SNORD118: variants seen among roughly 807,000 people sequenced by gnomAD.
SNORD118 encodes small nucleolar RNA, C/D box 118.
chr17:8,173,557 A>C (rs1193846277), exon 1 of SNORD118: 7 of 765,286 alleles, frequency 9.1e-6, no homozygotes, highest in Non-Finnish European at 4.8e-6. Flanking sequence ...CCTCCGGAGG[A>C]GGAACAGGTA....
At chr17:8,173,536 T>A (rs772145329) in exon 1 of SNORD118, 1 of 765,424 alleles carries the variant, frequency 1.3e-6, no homozygotes, top group Non-Finnish European at 2.4e-6. Flanking sequence ...AATCATCATG[T>A]TCTAATCTGC....
chr17:8,173,520 A>ATCTCCAATCATCATGT, exon 1 of SNORD118: 1 of 765,416 alleles, frequency 1.3e-6, no homozygotes, highest in Non-Finnish European at 2.4e-6. Context: ...CGTTTCATGC[A>ATCTCCAATCATCATGT]TCTCCAATCA....
At chr17:8,173,547 C>G (rs148909909) in exon 1 of SNORD118, 8 of 765,330 alleles carry the variant, frequency 1.0e-5, no homozygotes, top group African/African-American at 1.0e-4. Flanking sequence ...TCTAATCTGC[C>G]CTCCGGAGGA....
At position 8,173,570 on chromosome 17, in the gene SNORD118, G is replaced by C. The variant is rs374791151; in HGVS notation, n.18C>G. The stretch of plus-strand genomic sequence containing the variant: ...GCCCTCCGGAGGAGGAACAGGTAAG[G>C]ATTATCCCACCTGACGATACAGACA... On this transcript the variant is annotated non_coding_transcript_exon_variant, in exon 1 of 1. Transcript: ENST00000363593. 47 of 764,744 alleles carry C rather than the reference G, an allele frequency of 6.1e-5. No homozygotes were observed. The highest frequency in any genetic ancestry group is 1.0e-4 in the Non-Finnish European group (42 of 417,748). The allele number at this position is 764,744 out of a possible 1,614,324, so 47.4% of individuals were successfully genotyped here.
At position 8,173,483 on chromosome 17, in the gene SNORD118, G is replaced by A. The variant is rs141568482; in HGVS notation, n.105C>T. ...GACAGGAGCAATCAGGGTGTTGCAA[G>A]TCCTGATTACGCAGAGACGTTAATC... On this transcript the variant is annotated non_coding_transcript_exon_variant, in exon 1 of 1. Coordinates refer to ENST00000363593, the Ensembl canonical transcript of SNORD118. 1,101 of 764,976 alleles carry A rather than the reference G, an allele frequency of 1.4e-3. 6 individuals are homozygous for A. The highest frequency in any genetic ancestry group is 6.1e-3 in the East Asian group (251 of 41,248). 47.4% of individuals were successfully genotyped at this position (764,976 alleles called of 1,614,324 possible).
At chr17:8,173,473 G>T (rs181334320) in exon 1 of SNORD118, 5 of 764,554 alleles carry the variant, frequency 6.5e-6, no homozygotes, top group South Asian at 1.3e-5. Flanking sequence ...GAGCAATCAG[G>T]GTGTTGCAAG....
exon 1 of SNORD118, chr17:8,173,580 C>A (rs76749993): frequency 2.0e-5 from 15 of 764,168 alleles, no homozygotes; most frequent in South Asian, 1.7e-4. Flanking sequence ...GATTATCCCA[C>A]CTGACGATAC....
chr17:8,173,515 C>CA (rs1983811596), exon 1 of SNORD118: 6 of 765,366 alleles, frequency 7.8e-6, no homozygotes, highest in Non-Finnish European at 1.4e-5. Context: ...AATCACGTTT[C>CA]ATGCATCTCC....
exon 1 of SNORD118, chr17:8,173,455 T>A: frequency 1.3e-6 from 1 of 763,220 alleles, no homozygotes; most frequent in South Asian, 1.3e-5. Flanking sequence ...TCAGAAAGAA[T>A]CAGACAGGAG....
exon 1 of SNORD118, chr17:8,173,530 A>G (rs752108301): frequency 1.4e-5 from 11 of 765,336 alleles, no homozygotes; most frequent in East Asian, 2.4e-5. Flanking sequence ...ATCTCCAATC[A>G]TCATGTTCTA....
exon 1 of SNORD118, chr17:8,173,557 A>T (rs1193846277): frequency 1.3e-6 from 1 of 765,284 alleles, no homozygotes; most frequent in Non-Finnish European, 2.4e-6. Context: ...CCTCCGGAGG[A>T]GGAACAGGTA....
At position 8,173,587 on chromosome 17, in the gene SNORD118, A is replaced by C. The variant is rs368446612; in HGVS notation, n.1T>G. On this transcript the variant is annotated non_coding_transcript_exon_variant, in exon 1 of 1. Coordinates refer to ENST00000363593, the Ensembl canonical transcript of SNORD118. The stretch of plus-strand genomic sequence containing the variant: ...CAGGTAAGGATTATCCCACCTGACG[A>C]TACAGACAAACAGCCGACATTCTGC... The C allele has an allele frequency of 1.8e-5, 14 of 763,724 alleles. No homozygotes were observed. In the East Asian group the frequency reaches 1.9e-4, roughly 11 times the overall value. 47.3% of individuals were successfully genotyped at this position (763,724 alleles called of 1,614,324 possible).
At chr17:8,173,588 T>A (rs532883630), upstream of SNORD118, 4 of 763,864 alleles carry the variant, frequency 5.2e-6, no homozygotes, top group South Asian at 1.3e-5. Flanking sequence ...CACCTGACGA[T>A]ACAGACAAAC....
Position 8,173,578 on chromosome 17 carries a change from C to T in SNORD118, n.10G>A, listed in dbSNP as rs116705206. ...GAGGAGGAACAGGTAAGGATTATCC[C>T]ACCTGACGATACAGACAAACAGCCG... On this transcript the variant is annotated non_coding_transcript_exon_variant, in exon 1 of 1. Coordinates refer to ENST00000363593, the Ensembl canonical transcript of SNORD118. 1.9e-3 allele frequency: 1,429 copies of T among 764,528 alleles called. 17 individuals are homozygous for T. The highest frequency in any genetic ancestry group is 0.018 in the African/African-American group (1,083 of 59,198). The allele number at this position is 764,528 out of a possible 1,614,324, so 47.4% of individuals were successfully genotyped here.
chr17:8,173,520 A>G lies in SNORD118; in HGVS notation n.68T>C, dbSNP rs769050708. 63 of 765,294 alleles carry G rather than the reference A, an allele frequency of 8.2e-5. No homozygotes were observed. Among genetic ancestry groups the G allele is most frequent in the South Asian group, 3.2e-4 (24 of 74,614 alleles). The allele number at this position is 765,294 out of a possible 1,614,324, so 47.4% of individuals were successfully genotyped here. ...CAGAGACGTTAATCACGTTTCATGC[A>G]TCTCCAATCATCATGTTCTAATCTG... On this transcript the variant is annotated non_coding_transcript_exon_variant, in exon 1 of 1. Coordinates refer to ENST00000363593, the Ensembl canonical transcript of SNORD118.
chr17:8,173,478 T>G (rs199653025), exon 1 of SNORD118: 6 of 764,742 alleles, frequency 7.8e-6, no homozygotes, highest in South Asian at 2.7e-5. Context: ...ATCAGGGTGT[T>G]GCAAGTCCTG....
At position 8,173,462 on chromosome 17, in the gene SNORD118, G is replaced by C. The variant is rs374135155; in HGVS notation, n.126C>G. On this transcript the variant is annotated non_coding_transcript_exon_variant, in exon 1 of 1. Coordinates refer to ENST00000363593, the Ensembl canonical transcript of SNORD118. Reference sequence around the variant, plus strand: ...AGTGATCGTCAGAAAGAATCAGACAGGAGCAATCAGGGTGTTGCAAGTCCT... The same window carrying C: ...AGTGATCGTCAGAAAGAATCAGACACGAGCAATCAGGGTGTTGCAAGTCCT... The C allele has an allele frequency of 3.7e-5, 28 of 763,996 alleles. No individual in the cohort carries two copies. Among genetic ancestry groups the C allele is most frequent in the Middle Eastern group, 2.6e-4 (1 of 3,786 alleles). The allele number at this position is 763,996 out of a possible 1,614,324, so 47.3% of individuals were successfully genotyped here.
At chr17:8,173,583 G>T (rs374740618) in exon 1 of SNORD118, 4 of 764,172 alleles carry the variant, frequency 5.2e-6, no homozygotes, top group Non-Finnish European at 7.2e-6. Context: ...TATCCCACCT[G>T]ACGATACAGA....
chr17:8,173,468 A>T, exon 1 of SNORD118: 4 of 764,574 alleles, frequency 5.2e-6, no homozygotes, highest in Non-Finnish European at 7.2e-6. Flanking sequence ...GACAGGAGCA[A>T]TCAGGGTGTT....
Sources: allele counts gnomAD v4.1 joint callset, GRCh38; gene constraint gnomAD v4.1.1; transcripts MANE v1.5; gene names NCBI Gene and HGNC (gene_info 2026-07-23, HGNC 2026-07-21).